Variants in JPH3 observed in about 807,000 individuals in gnomAD.
JPH3 encodes junctophilin 3.
Under a neutral mutation model 59.6 loss-of-function variants are expected in JPH3, and 11 were observed. That is an observed-to-expected ratio of 0.18 (90% CI 0.12 to 0.31). JPH3 has a LOEUF of 0.31. JPH3 is among the 10% of genes least tolerant of loss of function. The probability of loss-of-function intolerance (pLI) is 1.00; values close to 1 mark genes in which losing one functional copy is unlikely to be tolerated. For synonymous variants in JPH3, 673 were observed against 483.6 expected (o/e 1.39, Z -5.14); for missense variants, 1,202 against 1,105.7 (o/e 1.09, Z -1.24).
At chr16:87,631,458 C>T (rs555990530) in intron 1 of JPH3, among the ~76,000 whole-genome samples, 1 of 152,174 alleles carries the variant, frequency 6.6e-6, no homozygotes, top group East Asian at 1.9e-4. Context: ...TTGAGAAGCC[C>T]ATGCTGTTCT....
At chr16:87,631,601 T>C (rs1275019822) in intron 1 of JPH3, among the ~76,000 whole-genome samples, 1 of 152,200 alleles carries the variant, frequency 6.6e-6, no homozygotes, top group Non-Finnish European at 1.5e-5. Context: ...GTGGTATCTG[T>C]GAGCCCTCCA....
intron 1 of JPH3, among the ~76,000 whole-genome samples, chr16:87,607,889 T>C (rs1292474700): frequency 1.3e-5 from 2 of 152,264 alleles, no homozygotes; most frequent in African/African-American, 4.8e-5. Flanking sequence ...AGATTCTCTT[T>C]CCGCTACTTC....
Position 87,655,504 on chromosome 16 carries a change from C to G in JPH3, c.1160+10469C>G, listed in dbSNP as rs149409846. Among the ~76,000 whole-genome samples, 612 of 152,262 alleles carry G rather than the reference C, an allele frequency of 4.0e-3. 3 individuals are homozygous for G. Among genetic ancestry groups the G allele is most frequent in the African/African-American group, 0.014 (589 of 41,542 alleles). ...GAGTAGCTGGGACCGCAGCCGTGCA[C>G]CACCACGCCCAGCTAACATTTTTAT... On this transcript the variant is annotated intron_variant, in intron 2 of 4. Coordinates refer to ENST00000284262, the MANE Select transcript of JPH3 (RefSeq NM_020655.4).
At chr16:87,636,695 T>C (rs558607193) in intron 1 of JPH3, among the ~76,000 whole-genome samples, 11 of 152,304 alleles carry the variant, frequency 7.2e-5, no homozygotes, top group African/African-American at 2.4e-4. Flanking sequence ...ATCAGAGCTA[T>C]GTTCCCACCA....
chr16:87,643,513 A>G (rs903622547), intron 1 of JPH3, among the ~76,000 whole-genome samples: 2 of 152,154 alleles, frequency 1.3e-5, no homozygotes, highest in Non-Finnish European at 2.9e-5. Flanking sequence ...ACCTCCAGCA[A>G]TGGGGAGCTC....
intron 2 of JPH3, among the ~76,000 whole-genome samples, chr16:87,668,294 T>C (rs2032927298): frequency 6.6e-6 from 1 of 152,156 alleles, no homozygotes; most frequent in Admixed American, 6.6e-5. Context: ...TTTTTCGTGG[T>C]CCATGTTTGG....
rs1453671936 is a variant in JPH3 at position 87,690,376 on chromosome 16, G to A, written c.2016G>A (p.Glu672=). Residue 672 remains glutamate, a synonymous_variant, in exon 4 of 5, where the codon GAG becomes GAA. Transcript: ENST00000284262. The stretch of plus-strand genomic sequence containing the variant: ...ACTTCAGGCCGGCCTCCTCCGCGGA[G>A]CCCGCCGTGCAGAAACTGGCGAGCC... ...KENFRPASSA[E]PAVQKLASLR... 6.5e-7 allele frequency: 1 copy of A among 1,532,612 alleles called. No homozygotes were observed. Among genetic ancestry groups the A allele is most frequent in the Non-Finnish European group, 8.8e-7 (1 of 1,142,320 alleles). 94.9% of individuals were successfully genotyped at this position (1,532,612 alleles called of 1,614,324 possible).
intron 2 of JPH3, among the ~76,000 whole-genome samples, chr16:87,663,678 C>T (rs971801611): frequency 3.9e-5 from 6 of 152,144 alleles, no homozygotes; most frequent in South Asian, 4.1e-4. Flanking sequence ...ACCCCATCCT[C>T]GTCAGGGCAC....
Position 87,697,871 on chromosome 16 carries a change from G to C in JPH3, c.*1211G>C, listed in dbSNP as rs567517008. On this transcript the variant is annotated 3_prime_UTR_variant, in exon 5 of 5. Coordinates refer to ENST00000284262, the MANE Select transcript of JPH3 (RefSeq NM_020655.4). ...TCCATCACCCAAACAAAAGAACAAG[G>C]TTTGCCAGGATGTCCGAGTGCCCCC... 6.6e-6 allele frequency: 1 copy of C among 152,498 alleles called. No homozygotes were observed. The highest frequency in any genetic ancestry group is 1.9e-4 in the East Asian group (1 of 5,188). The allele number at this position is 152,498 out of a possible 1,614,324, so 9.4% of individuals were successfully genotyped here. A position where few individuals can be genotyped will look rare whatever the true frequency, so the allele number is the denominator to read the frequency against.
At chr16:87,608,344 G>A (rs556901447) in intron 1 of JPH3, among the ~76,000 whole-genome samples, 5 of 152,298 alleles carry the variant, frequency 3.3e-5, no homozygotes, top group East Asian at 1.9e-4. Context: ...TGAATGTAAC[G>A]CCCTTTGTGT....
At chr16:87,647,143 G>A (rs2032179728) in intron 2 of JPH3, among the ~76,000 whole-genome samples, 1 of 152,106 alleles carries the variant, frequency 6.6e-6, no homozygotes, top group Non-Finnish European at 1.5e-5. Context: ...GGGGCCCAGG[G>A]GCTCTGTGGA....
In JPH3 at chr16:87,677,573, G is replaced by C. The variant is rs1455714577; in HGVS notation, c.1161-6569G>C. ...AACCCCCTGCACAGGTGAGGAAACT[G>C]AGGCCCAGAGATTATGCAGCCTGCC... On this transcript the variant is annotated intron_variant, in intron 2 of 4. Transcript: ENST00000284262. 3.3e-5 allele frequency among the ~76,000 whole-genome samples: 5 copies of C among 152,170 alleles called. No homozygotes were observed. In the South Asian group the frequency reaches 8.3e-4, roughly 25 times the overall value.
At chr16:87,621,571 A>C (rs1473948728) in intron 1 of JPH3, among the ~76,000 whole-genome samples, 1 of 152,172 alleles carries the variant, frequency 6.6e-6, no homozygotes, top group Non-Finnish European at 1.5e-5. Flanking sequence ...ACACCCACCT[A>C]CAGCCGCCAG....
At chr16:87,695,528 G>T (rs772493492) in intron 4 of JPH3, 2 of 454,588 alleles carry the variant, frequency 4.4e-6, no homozygotes, top group Non-Finnish European at 8.9e-6. Context: ...GATGCAGGGC[G>T]TGGTGGGGGT....
intron 1 of JPH3, among the ~76,000 whole-genome samples, chr16:87,632,633 C>T (rs1183345453): frequency 6.6e-6 from 1 of 152,196 alleles, no homozygotes; most frequent in South Asian, 2.1e-4. Flanking sequence ...CGACTCACGC[C>T]TCTAATCCCA....
intron 1 of JPH3, among the ~76,000 whole-genome samples, chr16:87,621,952 G>T (rs1429127008): frequency 6.6e-6 from 1 of 152,224 alleles, no homozygotes; most frequent in African/African-American, 2.4e-5. Context: ...AGGGGGGATG[G>T]TTGGTGATCG....
intron 2 of JPH3, among the ~76,000 whole-genome samples, chr16:87,647,971 T>TTCCCTGCTGAAGGGGGGCGGGGC (rs1348427248): frequency 1.3e-5 from 2 of 152,108 alleles, no homozygotes; most frequent in Non-Finnish European, 2.9e-5. Context: ...CTGGGCTGGG[T>TTCCCTGCTGAAGGGGGGCGGGGC]TCCCTGCTGA....
At chr16:87,684,357 G>A in intron 3 of JPH3, 91 bp downstream of exon 3, 1 of 1,531,246 alleles carries the variant, frequency 6.5e-7, no homozygotes, top group Non-Finnish European at 8.8e-7. Flanking sequence ...CTCCAGAGCG[G>A]GTAGGCTTAG....
intron 1 of JPH3, among the ~76,000 whole-genome samples, chr16:87,616,124 T>C (rs569437375): frequency 6.6e-6 from 1 of 151,798 alleles, no homozygotes; most frequent in South Asian, 2.1e-4. Flanking sequence ...TGGGGGACTT[T>C]GAATTTTCTC....
Sources: gnomAD v4.1 joint callset for allele counts (sites outside exome capture counted in the v4.1 genomes callset) on GRCh38, gnomAD v4.1.1 for gene constraint, MANE v1.5 for transcripts, NCBI Gene and HGNC (gene_info 2026-07-23, HGNC 2026-07-21) for gene names.